ACTN3: variants seen among roughly 807,000 people sequenced by gnomAD.
The protein encoded by ACTN3 is actinin alpha 3.
In ACTN3, 91 loss-of-function variants were observed where a neutral mutation model predicts 119.6. The observed-to-expected ratio is 0.76, with a 90% CI of 0.64 to 0.91. The LOEUF (loss-of-function observed/expected upper bound fraction) is 0.91. Ranked by LOEUF, ACTN3 falls within the 40% of genes least tolerant of loss-of-function variation. The pLI is 0.00. For synonymous variants in ACTN3, 456 were observed against 478.8 expected, an observed-to-expected ratio of 0.95 and a Z score of 0.62; for missense variants, 1,221 against 1,215.1, an observed-to-expected ratio of 1.00 and a Z score of -0.07.
At chr11:66,556,358 C>A in intron 8 of ACTN3, 128 bp downstream of exon 8, 1 of 838,094 alleles carries the variant, frequency 1.2e-6, no homozygotes, top group Non-Finnish European at 1.9e-6. Flanking sequence ...CACACTCAGT[C>A]TTCAGCAGGA....
At chr11:66,562,741 G>C (rs983563902) in intron 19 of ACTN3, 55 bp from the exon 20 acceptor site, 2 of 1,537,502 alleles carry the variant, frequency 1.3e-6, no homozygotes, top group Non-Finnish European at 1.8e-6. Flanking sequence ...GGGACACTGG[G>C]AGCCCTCCTG....
intron 8 of ACTN3, 121 bp from the exon 9 acceptor site, chr11:66,557,012 C>G (rs1314406751): frequency 5.3e-6 from 4 of 758,830 alleles, no homozygotes; most frequent in Non-Finnish European, 8.6e-6. Flanking sequence ...CCGCCCGCCT[C>G]GGCCTCCCAA....
chr11:66,560,562 G>C lies in ACTN3; in HGVS notation c.1678-11G>C. On this transcript the variant is annotated splice_polypyrimidine_tract_variant and intron_variant, in intron 14 of 20. Coordinates refer to ENST00000513398, the MANE Select transcript of ACTN3 (RefSeq NM_001104.4). ...GGACACCAGCTGACACTTCCTGCCT[G>C]TCGTCCCCAGAGCCTGCTGACAGCG... 1 of 1,603,848 alleles carries C rather than the reference G, an allele frequency of 6.2e-7. No individual in the cohort carries two copies. The highest frequency in any genetic ancestry group is 1.1e-5 in the South Asian group (1 of 89,922).
Position 66,559,400 on chromosome 11 carries a change from C to A in ACTN3, c.1427+14C>A. The A allele has an allele frequency of 6.8e-7, 1 of 1,479,410 alleles. No homozygotes were observed. 91.6% of individuals were successfully genotyped at this position (1,479,410 alleles called of 1,614,324 possible). On this transcript the variant is annotated intron_variant, in intron 12 of 20. Coordinates refer to ENST00000513398, the MANE Select transcript of ACTN3 (RefSeq NM_001104.4). ...CCAGGAGCTCAAGTAGGCGGGGCCT[C>A]GCGGGGCCCGCCCCCAACACCCCCG...
chr11:66,549,829 G>T lies in ACTN3; in HGVS notation c.148-1410G>T, dbSNP rs553598997. 4.0e-5 allele frequency among the ~76,000 whole-genome samples: 6 copies of T among 151,500 alleles called. No individual in the cohort carries two copies. In the South Asian group the frequency reaches 1.3e-3, roughly 32 times the overall value. ...AAACTCAAAGCATCTTAGACTCCAGGGTTGGAGGGAACTGTGGGAAATCTA... is the reference window on the plus strand; with the variant it reads ...AAACTCAAAGCATCTTAGACTCCAGTGTTGGAGGGAACTGTGGGAAATCTA... On this transcript the variant is annotated intron_variant, in intron 1 of 20. Coordinates refer to ENST00000513398, the MANE Select transcript of ACTN3 (RefSeq NM_001104.4).
Position 66,557,120 on chromosome 11 carries a change from A to G in ACTN3, c.805-13A>G, listed in dbSNP as rs750153076. ...TTGCTTTAATGCCAGCCTTCTGCCC[A>G]CTCCCCCCACAGGCAGAGACAGCTG... On this transcript the variant is annotated splice_polypyrimidine_tract_variant and intron_variant, in intron 8 of 20. Coordinates refer to ENST00000513398, the MANE Select transcript of ACTN3 (RefSeq NM_001104.4). 12 of 1,550,058 alleles carry G rather than the reference A, an allele frequency of 7.7e-6. 1 individual carries two copies. The highest frequency in any genetic ancestry group is 9.6e-6 in the Non-Finnish European group (11 of 1,146,170).
intron 4 of ACTN3, among the ~76,000 whole-genome samples, 200 bp downstream of exon 4, chr11:66,554,331 G>A (rs1482699207): frequency 6.7e-6 from 1 of 149,590 alleles, no homozygotes; most frequent in Non-Finnish European, 1.5e-5. Context: ...GGTGGCATGT[G>A]CCTATAGTCC....
chr11:66,557,753 C>A lies in ACTN3; in HGVS notation c.952C>A (p.Pro318Thr). Residue 318 changes from proline (P) to threonine (T), a missense_variant, in exon 10 of 21, where the codon CCC becomes ACC. This residue lies in a region of ACTN3 where 934 missense variants were observed against 899.9 expected (regional missense o/e 1.04). Transcript: ENST00000513398. Reference protein sequence around the residue: ...VPWLENRVGEPSMSAMQRKLE... With the variant: ...VPWLENRVGETSMSAMQRKLE... ...ATGGCTGGAGAACCGTGTGGGTGAG[C>A]CCAGCATGAGTGCCATGCAGCGCAA... 6.2e-7 allele frequency: 1 copy of A among 1,613,564 alleles called. No individual in the cohort carries two copies. The highest frequency in any genetic ancestry group is 8.5e-7 in the Non-Finnish European group (1 of 1,179,800).
chr11:66,558,933 G>A (rs998566691), intron 11 of ACTN3: 2 of 311,360 alleles, frequency 6.4e-6, no homozygotes, highest in African/African-American at 4.3e-5. Context: ...AGGAGGCCGG[G>A]TCAGGGGCTC....
At chr11:66,556,118 A>G in intron 7 of ACTN3, 27 bp from the exon 8 acceptor site, 1 of 1,600,258 alleles carries the variant, frequency 6.2e-7, no homozygotes, top group Non-Finnish European at 8.5e-7. Flanking sequence ...GGCTTTGGCC[A>G]GTAGACACCG....
Position 66,554,581 on chromosome 11 carries a change from C to T in ACTN3, c.515C>T (p.Thr172Ile), listed in dbSNP as rs1037444449. ...TTGCTTCTGTGGTGCCAGAGGAAGA[C>T]AGCACCGTACCGCAACGTCAACGTG... ...EGLLLWCQRK[T>I]APYRNVNVQN... The change falls in exon 5 of 21, where the codon ACA (threonine) becomes ATA (isoleucine). Residue 172 changes from threonine (T) to isoleucine (I), a missense_variant. Thr to Ile is a moderately conservative substitution (Grantham distance 89). This residue lies in a region of ACTN3 where 239 missense variants were observed against 231.8 expected (regional missense o/e 1.03). Transcript: ENST00000513398. The T allele has an allele frequency of 6.2e-7, 1 of 1,612,562 alleles. No individual in the cohort carries two copies. The highest frequency in any genetic ancestry group is 1.7e-5 in the Admixed American group (1 of 59,806).
intron 11 of ACTN3, 21 bp from the exon 12 acceptor site, chr11:66,559,215 A>G (rs891903835): frequency 5.4e-6 from 8 of 1,470,648 alleles, no homozygotes; most frequent in Non-Finnish European, 7.2e-6. Flanking sequence ...GGGTGACCGG[A>G]GCCGGCATCT....
chr11:66,559,339 G>A lies in ACTN3; in HGVS notation c.1380G>A (p.Ala460=), dbSNP rs1361970671. ...AGGCCTTTGAGAGCGACCTGGCGGC[G>A]CACCAGGACCGCGTGGAGCACATTG... is the stretch of plus-strand genomic sequence containing the variant. ...RHEAFESDLA[A]HQDRVEHIAA... The change falls in exon 12 of 21, where the codon GCG becomes GCA. Residue 460 remains alanine, a synonymous_variant. Transcript: ENST00000513398. The A allele has an allele frequency of 1.9e-6, 3 of 1,570,052 alleles. No individual in the cohort carries two copies. Among genetic ancestry groups the A allele is most frequent in the East Asian group, 2.5e-5 (1 of 40,170 alleles).
chr11:66,560,621 G>A lies in ACTN3; in HGVS notation c.1726G>A (p.Asp576Asn). The A allele has an allele frequency of 1.2e-6, 2 of 1,613,728 alleles. No individual in the cohort carries two copies. Among genetic ancestry groups the A allele is most frequent in the African/African-American group, 1.3e-5 (1 of 75,056 alleles). The change falls in exon 15 of 21, where the codon GAC becomes AAC. Residue 576 changes from aspartate to asparagine, a missense_variant. This residue lies in a region of ACTN3 where 934 missense variants were observed against 899.9 expected (regional missense o/e 1.04). Coordinates refer to ENST00000513398, the MANE Select transcript of ACTN3 (RefSeq NM_001104.4). ...DQFKATLPEA[D>N]RERGAIMGIQ... ...GTTCAAGGCAACACTGCCCGAGGCT[G>A]ACCGAGAGCGAGGTGCCATCATGGG...
chr11:66,549,917 A>G (rs912200493), intron 1 of ACTN3, among the ~76,000 whole-genome samples: 1 of 152,168 alleles, frequency 6.6e-6, no homozygotes, highest in Non-Finnish European at 1.5e-5. Context: ...ACATACCTCC[A>G]GTGATGGGAA....
rs1209905091 is a variant in ACTN3, at chr11:66,560,627, G to C, written c.1732G>C (p.Glu578Gln). 1 of 1,613,816 alleles carries C rather than the reference G, an allele frequency of 6.2e-7. No individual in the cohort carries two copies. Among genetic ancestry groups the C allele is most frequent in the Non-Finnish European group, 8.5e-7 (1 of 1,179,892 alleles). Residue 578 changes from glutamate to glutamine, a missense_variant, in exon 15 of 21, where the codon GAG (glutamate) becomes CAG (glutamine). Coordinates refer to ENST00000513398, the MANE Select transcript of ACTN3 (RefSeq NM_001104.4). ...GGCAACACTGCCCGAGGCTGACCGA[G>C]AGCGAGGTGCCATCATGGGCATCCA... Reference protein sequence around the residue: ...FKATLPEADRERGAIMGIQGE... With the variant: ...FKATLPEADRQRGAIMGIQGE...
At chr11:66,549,953 C>G (rs570899251) in intron 1 of ACTN3, among the ~76,000 whole-genome samples, 1 of 152,272 alleles carries the variant, frequency 6.6e-6, no homozygotes, top group Non-Finnish European at 1.5e-5. Flanking sequence ...TTAGCAATGA[C>G]AGCCCCTCAA....
chr11:66,557,833 A>C lies in ACTN3; in HGVS notation c.1032A>C (p.Glu344Asp), dbSNP rs370591007. ...TGCACAAGCCGCCCCGCATTCAGGA[A>C]AAGTGCCAGCTGGAGATCAACTTCA... ...RRLHKPPRIQ[E>D]KCQLEINFNT... is the part of the protein sequence containing the mutation. Residue 344 changes from glutamate to aspartate, a missense_variant, in exon 10 of 21, where the codon GAA (glutamate) becomes GAC (aspartate). This residue lies in a region of ACTN3 where 934 missense variants were observed against 899.9 expected (regional missense o/e 1.04). Coordinates refer to ENST00000513398, the MANE Select transcript of ACTN3 (RefSeq NM_001104.4). The C allele has an allele frequency of 1.5e-5, 24 of 1,614,188 alleles. No individual in the cohort carries two copies. In the African/African-American group the frequency reaches 3.1e-4, roughly 21 times the overall value.
chr11:66,559,100 G>T (rs1857671241), intron 11 of ACTN3, 136 bp from the exon 12 acceptor site: 2 of 930,146 alleles, frequency 2.2e-6, no homozygotes, highest in South Asian at 3.6e-5. Flanking sequence ...CACCGACGCC[G>T]CAGAGCAAAT....
Sources: gnomAD v4.1 joint callset for allele counts (sites outside exome capture counted in the v4.1 genomes callset) on GRCh38, gnomAD v4.1.1 for gene constraint, gnomAD v4.1.1 regional missense constraint, MANE v1.5 for transcripts, NCBI Gene and HGNC (gene_info 2026-07-23, HGNC 2026-07-21) for gene names.